ANTXRL: variants seen among roughly 807,000 people sequenced by gnomAD.
The protein encoded by ANTXRL is anthrax toxin receptor-like.
A neutral mutation model predicts 75.4 loss-of-function variants in ANTXRL; 63 were observed. The ratio of observed to expected loss-of-function variants is 0.84; its 90% confidence interval spans 0.68 to 1.03. ANTXRL has a LOEUF of 1.03. ANTXRL is among the 50% of genes least tolerant of loss of function. ANTXRL has a pLI of 0.00. For synonymous variants in ANTXRL, 335 were observed against 291.3 expected (o/e 1.15, Z -1.53); for missense variants, 797 against 789.4 (o/e 1.01, Z -0.12).
rs565486909 is a variant in ANTXRL at position 46,298,641 on chromosome 10, G to T, written c.796+579G>T. On this transcript the variant is annotated intron_variant, in intron 9 of 16. Coordinates refer to ENST00000620264, the MANE Select transcript of ANTXRL (RefSeq NM_001278688.3). ...GGTGTGTGGGAAGGGTGTCTGGTGT[G>T]CAGGTATGTGGTGTCCAGTGTGTGT... 6.6e-5 allele frequency among the ~76,000 whole-genome samples: 10 copies of T among 151,874 alleles called. No individual in the cohort carries two copies. In the South Asian group the frequency reaches 2.1e-3, roughly 32 times the overall value.
rs781885247 is a variant in ANTXRL, at chr10:46,296,135, AC to A, written c.474+38del. The A allele has an allele frequency of 3.9e-5, 60 of 1,534,462 alleles. No individual in the cohort carries two copies. In the South Asian group the frequency reaches 4.9e-4, roughly 12 times the overall value. On this transcript the variant is annotated intron_variant, in intron 4 of 16. Transcript: ENST00000620264. ...CCTTGATCTCCTAACCCTAACCCTAACCCTAACCCTAACCTACAAAATCTTA... is the reference window on the plus strand; with the variant it reads ...CCTTGATCTCCTAACCCTAACCCTAACCTAACCCTAACCTACAAAATCTTA...
At chr10:46,322,760 G>A (rs11592723) in intron 16 of ANTXRL, among the ~76,000 whole-genome samples, 16,134 of 152,034 alleles carry the variant, frequency 0.11, 952 homozygotes, top group Admixed American at 0.16. Context: ...TACCAAATTT[G>A]TTTTTCCAAA....
chr10:46,305,032 A>C (rs1285287733), intron 10 of ANTXRL, among the ~76,000 whole-genome samples: 14 of 152,200 alleles, frequency 9.2e-5, no homozygotes, highest in African/African-American at 3.4e-4. Context: ...TGGCTGGCCC[A>C]AGAGTAAAAA....
chr10:46,315,051 C>G (rs567081817), intron 16 of ANTXRL, among the ~76,000 whole-genome samples: 31 of 152,300 alleles, frequency 2.0e-4, no homozygotes, highest in Middle Eastern at 3.4e-3. Context: ...GGCAGGAGTT[C>G]CCCGTTCTCC....
At position 46,297,721 on chromosome 10, in the gene ANTXRL, G is replaced by T. The variant is rs1458406264; in HGVS notation, c.655-110G>T. 33 of 1,048,978 alleles carry T rather than the reference G, an allele frequency of 3.1e-5. No individual in the cohort carries two copies. The East Asian group carries it at 8.6e-4, about 27-fold the overall frequency. 65.0% of individuals were successfully genotyped at this position (1,048,978 alleles called of 1,614,324 possible). The stretch of plus-strand genomic sequence containing the variant: ...GAGAAGTCTGTGACATTCAGAGCCT[G>T]ACATTCTGCTGCCCCCAAAGCATGA... On this transcript the variant is annotated intron_variant, in intron 7 of 16. Coordinates refer to ENST00000620264, the MANE Select transcript of ANTXRL (RefSeq NM_001278688.3).
Position 46,309,026 on chromosome 10 carries a change from G to A in ANTXRL, c.1045-87G>A. The A allele has an allele frequency of 3.3e-6, 5 of 1,520,856 alleles. No homozygotes were observed. In the South Asian group the frequency reaches 4.8e-5, roughly 15 times the overall value. The allele number at this position is 1,520,856 out of a possible 1,614,324, so 94.2% of individuals were successfully genotyped here. A position where few individuals can be genotyped will look rare whatever the true frequency, so the allele number is the denominator to read the frequency against. ...CCGGATGCGGGGCCAGCTAGGGAGA[G>A]TGAGGAGTGGGCAGATGGGCCACCA... is the stretch of plus-strand genomic sequence containing the variant. On this transcript the variant is annotated intron_variant, in intron 12 of 16. Coordinates refer to ENST00000620264, the MANE Select transcript of ANTXRL (RefSeq NM_001278688.3).
chr10:46,317,814 C>T (rs558608701), intron 16 of ANTXRL, among the ~76,000 whole-genome samples: 1 of 152,128 alleles, frequency 6.6e-6, no homozygotes, highest in Admixed American at 6.5e-5. Context: ...TGATTGTTTG[C>T]CAATCACTTC....
At chr10:46,316,598 C>T (rs1341684064) in intron 16 of ANTXRL, among the ~76,000 whole-genome samples, 2 of 152,034 alleles carry the variant, frequency 1.3e-5, no homozygotes, top group African/African-American at 2.4e-5. Flanking sequence ...GTGGTAGAGC[C>T]GGGTTATGAA....
intron 9 of ANTXRL, among the ~76,000 whole-genome samples, chr10:46,299,663 A>G (rs781883973): frequency 2.0e-5 from 3 of 152,160 alleles, no homozygotes; most frequent in Non-Finnish European, 4.4e-5. Context: ...GACACACCGT[A>G]TATGTCTGAG....
chr10:46,313,355 G>A, intron 16 of ANTXRL, 39 bp downstream of exon 16: 5 of 1,521,450 alleles, frequency 3.3e-6, no homozygotes, highest in Non-Finnish European at 3.5e-6. Flanking sequence ...TGGACAAAAG[G>A]CCACTGCTTT....
chr10:46,323,030 C>G (rs569822298), intron 16 of ANTXRL, among the ~76,000 whole-genome samples: 2 of 152,196 alleles, frequency 1.3e-5, no homozygotes, highest in South Asian at 4.2e-4. Context: ...TAATGAGGAT[C>G]CCACTAGAAG....
chr10:46,327,776 A>G (rs1409626215), intron 16 of ANTXRL, among the ~76,000 whole-genome samples: 2 of 152,164 alleles, frequency 1.3e-5, no homozygotes, highest in Non-Finnish European at 2.9e-5. Context: ...CCTTGGGACC[A>G]TCAGGCTGAG....
At chr10:46,312,810 GTACCTACT>G (rs1300667208) in intron 15 of ANTXRL, among the ~76,000 whole-genome samples, 1 of 149,264 alleles carries the variant, frequency 6.7e-6, no homozygotes, top group Non-Finnish European at 1.5e-5. Flanking sequence ...CTGGTGTCAG[GTACCTACT>G]CCCTGAGCAG....
chr10:46,295,438 G>C (rs1365238154), intron 3 of ANTXRL, among the ~76,000 whole-genome samples: 1 of 151,212 alleles, frequency 6.6e-6, no homozygotes, highest in African/African-American at 2.4e-5. Context: ...GCCCATCCCT[G>C]GTTCAGGGTT....
At chr10:46,313,572 G>A (rs1173932288) in intron 16 of ANTXRL, among the ~76,000 whole-genome samples, 4 of 152,158 alleles carry the variant, frequency 2.6e-5, no homozygotes, top group Admixed American at 2.0e-4. Context: ...AACAGTGACT[G>A]GTTCTAACAG....
rs1565008585 is a variant in ANTXRL at position 46,287,304 on chromosome 10, C to A, written c.42C>A (p.Phe14Leu). Residue 14 changes from phenylalanine (F) to leucine (L), a missense_variant, in exon 1 of 17, where the codon TTC becomes TTA. Physicochemically the swap from Phe to Leu is conservative, Grantham distance 22 (BLOSUM62 0). Around this residue, in one of 3 missense-constraint regions of ANTXRL, gnomAD observed 262 missense variants for 271.9 expected, o/e 0.96. Transcript: ENST00000620264. ...HESLGPYFLV[F>L]LLLLLLPPPL... ...CCCTGGGGCCCTACTTCCTGGTCTT[C>A]CTGCTGCTGCTGCTGCTTCCTCCAC... The A allele has an allele frequency of 2.0e-6, 3 of 1,535,688 alleles. No homozygotes were observed. The East Asian group carries it at 7.3e-5, about 38-fold the overall frequency.
intron 16 of ANTXRL, among the ~76,000 whole-genome samples, chr10:46,324,869 C>T (rs970637093): frequency 2.0e-5 from 3 of 152,086 alleles, no homozygotes; most frequent in African/African-American, 7.2e-5. Flanking sequence ...CTCTGAAAGT[C>T]CTACCCTGGC....
At chr10:46,321,879 C>A (rs1254930955) in intron 16 of ANTXRL, among the ~76,000 whole-genome samples, 1 of 152,048 alleles carries the variant, frequency 6.6e-6, no homozygotes, top group African/African-American at 2.4e-5. Flanking sequence ...CAAGGCAACC[C>A]AATTGACTCA....
At chr10:46,315,614 G>T (rs576624942) in intron 16 of ANTXRL, among the ~76,000 whole-genome samples, 4 of 152,282 alleles carry the variant, frequency 2.6e-5, no homozygotes, top group African/African-American at 9.6e-5. Flanking sequence ...TTGTGAGGAG[G>T]CTATTTCCAA....
Sources: allele counts gnomAD v4.1 joint callset (sites outside exome capture counted in the v4.1 genomes callset), GRCh38; gene constraint gnomAD v4.1.1; regional missense constraint gnomAD v4.1.1; transcripts MANE v1.5; gene names NCBI Gene and HGNC (gene_info 2026-07-23, HGNC 2026-07-21).